CNTNAP2: variants seen among roughly 807,000 people sequenced by gnomAD.
CNTNAP2 encodes the protein contactin-associated protein-like 2.
A neutral mutation model predicts 155.2 loss-of-function variants in CNTNAP2; 98 were observed. The ratio of observed to expected loss-of-function variants is 0.63; its 90% confidence interval spans 0.54 to 0.75. CNTNAP2 has a LOEUF of 0.75. Ranked by LOEUF, CNTNAP2 falls within the 30% of genes least tolerant of loss-of-function variation. The pLI, the probability that CNTNAP2 is intolerant of heterozygous loss-of-function variation, is 0.00. For missense variants in CNTNAP2, 1,727 were observed against 1,688.1 expected (o/e 1.02, Z -0.40); for synonymous variants, 651 against 631.2 (o/e 1.03, Z -0.47).
chr7:147,272,948 T>C (rs1455069501), intron 8 of CNTNAP2, among the ~76,000 whole-genome samples: 1 of 152,174 alleles, frequency 6.6e-6, no homozygotes, highest in Non-Finnish European at 1.5e-5. Flanking sequence ...CATAAAATGA[T>C]ATGTGAATTG....
chr7:148,021,543 T>C (rs897565371), intron 15 of CNTNAP2, among the ~76,000 whole-genome samples: 1 of 152,158 alleles, frequency 6.6e-6, no homozygotes, highest in Non-Finnish European at 1.5e-5. Flanking sequence ...AGAAAACACC[T>C]GACTTGTGGG....
At chr7:148,243,954 T>C (rs1265538383) in intron 20 of CNTNAP2, among the ~76,000 whole-genome samples, 1 of 152,182 alleles carries the variant, frequency 6.6e-6, no homozygotes, top group African/African-American at 2.4e-5. Context: ...ACTGTGTATA[T>C]ATAGGTGCTA....
At chr7:147,038,105 A>G (rs951782265) in intron 3 of CNTNAP2, among the ~76,000 whole-genome samples, 6 of 152,178 alleles carry the variant, frequency 3.9e-5, no homozygotes, top group Non-Finnish European at 7.4e-5. Context: ...ACAGTTAGCT[A>G]TGACTGTGCC....
chr7:146,556,293 A>G (rs1393286043), intron 1 of CNTNAP2, among the ~76,000 whole-genome samples: 2 of 152,204 alleles, frequency 1.3e-5, no homozygotes, highest in Admixed American at 1.3e-4. Context: ...AGGGGATTGC[A>G]TCCCAGACAG....
At chr7:147,631,646 G>A (rs1347934223) in intron 12 of CNTNAP2, among the ~76,000 whole-genome samples, 1 of 152,060 alleles carries the variant, frequency 6.6e-6, no homozygotes, top group Admixed American at 6.6e-5. Flanking sequence ...TAGACCAATG[G>A]AACAAAATAG....
At chr7:146,435,440 A>T (rs1196383453) in intron 1 of CNTNAP2, among the ~76,000 whole-genome samples, 1 of 152,188 alleles carries the variant, frequency 6.6e-6, no homozygotes, top group Non-Finnish European at 1.5e-5. Context: ...AGTTAAAAGA[A>T]TTGTGTGCCT....
chr7:146,380,630 G>A (rs947275389), intron 1 of CNTNAP2, among the ~76,000 whole-genome samples: 3 of 151,628 alleles, frequency 2.0e-5, no homozygotes, highest in Non-Finnish European at 4.4e-5. Context: ...TCAGTTATTT[G>A]TTTTGCATTT....
intron 3 of CNTNAP2, among the ~76,000 whole-genome samples, chr7:146,957,680 A>C (rs1584748320): frequency 6.6e-6 from 1 of 152,188 alleles, no homozygotes; most frequent in Admixed American, 6.5e-5. Context: ...ACAGTCATTG[A>C]AAAAGAATTG....
chr7:146,270,940 TA>T (rs1424080587), intron 1 of CNTNAP2, among the ~76,000 whole-genome samples: 14 of 152,202 alleles, frequency 9.2e-5, no homozygotes, highest in Non-Finnish European at 2.1e-4. Context: ...CAGAAAACTA[TA>T]TAGAGTTATA....
chr7:147,784,039 A>G (rs542399388), intron 13 of CNTNAP2, among the ~76,000 whole-genome samples: 1 of 152,152 alleles, frequency 6.6e-6, no homozygotes, highest in South Asian at 2.1e-4. Flanking sequence ...GAGCCCTTAG[A>G]GTTCCTTGAT....
intron 1 of CNTNAP2, among the ~76,000 whole-genome samples, chr7:146,255,730 C>A (rs368182432): frequency 6.6e-6 from 1 of 152,078 alleles, no homozygotes; most frequent in African/African-American, 2.4e-5. Context: ...GAGACAAAGC[C>A]GCAAATGTGA....
At chr7:147,253,928 AG>A (rs1473012732) in intron 8 of CNTNAP2, among the ~76,000 whole-genome samples, 1 of 152,196 alleles carries the variant, frequency 6.6e-6, no homozygotes, top group Non-Finnish European at 1.5e-5. Context: ...TTTAGTGACA[AG>A]GGCCCTCTTT....
intron 3 of CNTNAP2, among the ~76,000 whole-genome samples, chr7:146,985,545 C>A (rs570411069): frequency 1.3e-5 from 2 of 151,956 alleles, no homozygotes; most frequent in Admixed American, 6.6e-5. Flanking sequence ...TGGTCTCGAT[C>A]TCCTGACCTC....
At chr7:146,945,683 C>A (rs937539001) in intron 3 of CNTNAP2, among the ~76,000 whole-genome samples, 3 of 152,154 alleles carry the variant, frequency 2.0e-5, no homozygotes, top group African/African-American at 7.2e-5. Flanking sequence ...CTAATGCTGA[C>A]TCGTTCTTGT....
intron 3 of CNTNAP2, among the ~76,000 whole-genome samples, chr7:146,843,301 C>T (rs369903368): frequency 2.7e-5 from 4 of 150,518 alleles, no homozygotes; most frequent in South Asian, 2.1e-4. Context: ...CGTGAGCCAC[C>T]GCGCCCGGCC....
chr7:147,119,650 A>G (rs552446304), intron 5 of CNTNAP2, among the ~76,000 whole-genome samples: 55 of 152,258 alleles, frequency 3.6e-4, no homozygotes, highest in African/African-American at 1.3e-3. Context: ...TAAAAGAAGA[A>G]AATATGTTCT....
At chr7:146,483,279 A>AT (rs1796994090) in intron 1 of CNTNAP2, among the ~76,000 whole-genome samples, 14 of 62,882 alleles carry the variant, frequency 2.2e-4, no homozygotes, top group Non-Finnish European at 1.8e-4. Context: ...CCGTCTAAAA[A>AT]AAAATATATA....
At chr7:146,550,419 T>TGTTTTG (rs1201636256) in intron 1 of CNTNAP2, among the ~76,000 whole-genome samples, 3 of 142,302 alleles carry the variant, frequency 2.1e-5, no homozygotes, top group South Asian at 2.3e-4. Flanking sequence ...TTTTTTTTTT[T>TGTTTTG]TTTTTTTTTT....
At position 146,732,328 on chromosome 7, in the gene CNTNAP2, A is replaced by T. The variant is rs186848140; in HGVS notation, c.98-41943A>T. On this transcript the variant is annotated intron_variant, in intron 1 of 23. Transcript: ENST00000361727. ...AAAACTTGTTTTCTCTTCACATGTT[A>T]TGACTTTGTTTCAACTTACCATAAA... is the stretch of plus-strand genomic sequence containing the variant. Among the ~76,000 whole-genome samples the T allele has an allele frequency of 2.1e-3, 321 of 152,250 alleles. 3 individuals are homozygous for T. In the Middle Eastern group the frequency reaches 0.041, roughly 19 times the overall value.
Sources: gnomAD v4.1 joint callset for allele counts (sites outside exome capture counted in the v4.1 genomes callset) on GRCh38, gnomAD v4.1.1 for gene constraint, MANE v1.5 for transcripts, NCBI Gene and HGNC (gene_info 2026-07-23, HGNC 2026-07-21) for gene names.